The following BABAM2 variants were observed in gnomAD, a reference collection of about 807,000 sequenced individuals.
BABAM2 encodes the protein BRISC and BRCA1 A complex member 2.
Under a neutral mutation model 54.7 loss-of-function variants are expected in BABAM2, and 31 were observed. The ratio of observed to expected loss-of-function variants is 0.57; its 90% confidence interval spans 0.43 to 0.77. BABAM2 has a LOEUF of 0.77. Among genes scored for constraint, BABAM2 ranks in the 30% least tolerant of loss-of-function variants. The probability of loss-of-function intolerance (pLI) is 0.00; values close to 1 mark genes in which losing one functional copy is unlikely to be tolerated. For synonymous variants in BABAM2, 167 were observed against 162.9 expected, an observed-to-expected ratio of 1.03 and a Z score of -0.19; for missense variants, 364 against 455.8, an observed-to-expected ratio of 0.80 and a Z score of 1.83.
At chr2:28,164,904 A>C (rs1673479793) in intron 7 of BABAM2, among the ~76,000 whole-genome samples, 2 of 152,190 alleles carry the variant, frequency 1.3e-5, no homozygotes, top group Admixed American at 1.3e-4. Flanking sequence ...TTTATTCAGC[A>C]ATCATTTATT....
chr2:28,172,393 C>T (rs547758051), intron 7 of BABAM2, among the ~76,000 whole-genome samples: 1 of 152,258 alleles, frequency 6.6e-6, no homozygotes, highest in African/African-American at 2.4e-5. Flanking sequence ...TCATGGCTCC[C>T]TACCCACCCC....
chr2:28,318,058 C>T (rs1404068641), intron 11 of BABAM2, among the ~76,000 whole-genome samples: 3 of 152,182 alleles, frequency 2.0e-5, no homozygotes, highest in East Asian at 1.9e-4. Flanking sequence ...TGAAGTTGGA[C>T]GTGTTAGTCA....
chr2:28,183,866 T>C (rs561654182), intron 7 of BABAM2, among the ~76,000 whole-genome samples: 2 of 152,282 alleles, frequency 1.3e-5, no homozygotes, highest in African/African-American at 4.8e-5. Context: ...TTTATGTTTG[T>C]GTATGTGCTT....
intron 11 of BABAM2, among the ~76,000 whole-genome samples, chr2:28,310,808 G>A (rs187321170): frequency 9.9e-5 from 15 of 152,036 alleles, no homozygotes; most frequent in African/African-American, 3.4e-4. Flanking sequence ...CACTTGAACC[G>A]GGGAGGCAGA....
chr2:27,939,226 C>T (rs1051311748), intron 3 of BABAM2, among the ~76,000 whole-genome samples: 16 of 152,204 alleles, frequency 1.1e-4, no homozygotes, highest in African/African-American at 3.9e-4. Flanking sequence ...GCTAGGATTA[C>T]AGGCATGAGC....
At chr2:28,026,959 A>AAATATATATAAAT (rs1553414641) in intron 5 of BABAM2, among the ~76,000 whole-genome samples, 3 of 9,306 alleles carry the variant, frequency 3.2e-4, no homozygotes, top group Admixed American at 4.3e-3. Context: ...AATATATATA[A>AAATATATATAAAT]ATATATATAT....
At chr2:27,969,913 G>A (rs1671087994) in intron 3 of BABAM2, among the ~76,000 whole-genome samples, 1 of 152,090 alleles carries the variant, frequency 6.6e-6, no homozygotes. Context: ...CTGTTTTACA[G>A]GAATTCAGAG....
intron 4 of BABAM2, among the ~76,000 whole-genome samples, chr2:27,997,110 TG>T (rs1361715244): frequency 6.6e-6 from 1 of 152,134 alleles, no homozygotes; most frequent in Non-Finnish European, 1.5e-5. Flanking sequence ...TTAATAAAAA[TG>T]TTTGATATTA....
chr2:28,244,072 G>T (rs549519769), intron 9 of BABAM2, among the ~76,000 whole-genome samples: 1 of 152,080 alleles, frequency 6.6e-6, no homozygotes, highest in East Asian at 1.9e-4. Context: ...TTGCGCCTTG[G>T]CCCATTCAGA....
intron 7 of BABAM2, among the ~76,000 whole-genome samples, chr2:28,146,365 A>ATAT (rs1487011308): frequency 6.6e-6 from 1 of 152,020 alleles, no homozygotes; most frequent in Non-Finnish European, 1.5e-5. Flanking sequence ...TTCCATGTGC[A>ATAT]TATTAGCATT....
At chr2:28,040,624 G>A (rs1235212330) in intron 5 of BABAM2, among the ~76,000 whole-genome samples, 1 of 152,016 alleles carries the variant, frequency 6.6e-6, no homozygotes, top group East Asian at 1.9e-4. Flanking sequence ...TTGAGTCTTA[G>A]CGTTCAACAT....
chr2:27,999,470 A>G (rs1191267092), intron 4 of BABAM2, among the ~76,000 whole-genome samples: 1 of 152,228 alleles, frequency 6.6e-6, no homozygotes, highest in African/African-American at 2.4e-5. Context: ...ATAGGCAAAT[A>G]GTAGAAAATA....
intron 4 of BABAM2, among the ~76,000 whole-genome samples, chr2:28,013,133 G>A (rs1674519639): frequency 1.3e-5 from 2 of 152,102 alleles, no homozygotes; most frequent in South Asian, 4.1e-4. Context: ...TTTATAAATG[G>A]AGCCATAATT....
intron 7 of BABAM2, among the ~76,000 whole-genome samples, chr2:28,208,506 G>T (rs1343878995): frequency 6.6e-6 from 1 of 152,166 alleles, no homozygotes; most frequent in East Asian, 1.9e-4. Flanking sequence ...CAGAAGGGGT[G>T]CCCTGAGGCA....
intron 4 of BABAM2, chr2:27,996,415 C>G (rs900646065): frequency 4.5e-5 from 7 of 154,838 alleles, no homozygotes; most frequent in Non-Finnish European, 8.8e-5. Flanking sequence ...GCCAGTGTTC[C>G]TAAACAATTC....
At chr2:28,182,864 T>A (rs572601470) in intron 7 of BABAM2, among the ~76,000 whole-genome samples, 1 of 152,328 alleles carries the variant, frequency 6.6e-6, no homozygotes, top group South Asian at 2.1e-4. Flanking sequence ...TATCTGCTGT[T>A]GTTTGATTAG....
At chr2:28,172,520 A>G (rs1191755601) in intron 7 of BABAM2, among the ~76,000 whole-genome samples, 2 of 152,118 alleles carry the variant, frequency 1.3e-5, no homozygotes, top group African/African-American at 4.8e-5. Context: ...GGGCTGCAGG[A>G]CTCTGCCCAG....
intron 7 of BABAM2, among the ~76,000 whole-genome samples, chr2:28,192,376 C>T (rs1677011500): frequency 6.6e-6 from 1 of 151,902 alleles, no homozygotes; most frequent in Admixed American, 6.6e-5. Context: ...TGCACACCAA[C>T]ATGGCACATT....
chr2:28,198,495 G>A (rs1314678378), intron 7 of BABAM2, among the ~76,000 whole-genome samples: 2 of 151,912 alleles, frequency 1.3e-5, no homozygotes, highest in Admixed American at 6.6e-5. Flanking sequence ...TTTGCAGCCT[G>A]GATTTACAAT....
Sources: allele counts gnomAD v4.1 joint callset (sites outside exome capture counted in the v4.1 genomes callset), GRCh38; gene constraint gnomAD v4.1.1; transcripts MANE v1.5; gene names NCBI Gene and HGNC (gene_info 2026-07-23, HGNC 2026-07-21).